The following ZNF521 variants were observed in gnomAD, a reference collection of about 807,000 sequenced individuals.
The protein encoded by ZNF521 is LYST-interacting protein 3.
A neutral mutation model predicts 105.5 loss-of-function variants in ZNF521; 14 were observed. The observed-to-expected ratio is 0.13, with a 90% CI of 0.09 to 0.21. ZNF521 has a LOEUF of 0.21. ZNF521 is among the 10% of genes least tolerant of loss of function. ZNF521 has a pLI of 1.00. For synonymous variants in ZNF521, 635 were observed against 606.0 expected (o/e 1.05, Z -0.70); for missense variants, 1,233 against 1,629.7 (o/e 0.76, Z 4.19).
At chr18:25,327,514 A>C in intron 2 of ZNF521, 1 of 827,422 alleles carries the variant, frequency 1.2e-6, no homozygotes, top group Non-Finnish European at 1.7e-6. Context: ...CTCCCCTACA[A>C]GTATGTTCAA....
intron 5 of ZNF521, among the ~76,000 whole-genome samples, chr18:25,162,696 C>T (rs1156573449): frequency 6.6e-6 from 1 of 152,160 alleles, no homozygotes. Flanking sequence ...TCATATCCAA[C>T]TCAGGCATGG....
chr18:25,282,395 G>A (rs1910435190), intron 3 of ZNF521, among the ~76,000 whole-genome samples: 1 of 152,178 alleles, frequency 6.6e-6, no homozygotes, highest in Non-Finnish European at 1.5e-5. Context: ...CACTAGACCA[G>A]GGAGCAAAGT....
intron 5 of ZNF521, among the ~76,000 whole-genome samples, chr18:25,188,520 G>A (rs184061387): frequency 6.6e-6 from 1 of 152,238 alleles, no homozygotes; most frequent in African/African-American, 2.4e-5. Flanking sequence ...TATCTTTTTA[G>A]GTATTACTGA....
intron 4 of ZNF521, among the ~76,000 whole-genome samples, chr18:25,213,631 A>G (rs984004620): frequency 2.0e-5 from 3 of 152,128 alleles, no homozygotes; most frequent in Admixed American, 6.5e-5. Context: ...TGGTTTTGAT[A>G]TCAGGATCAT....
chr18:25,273,743 A>C (rs780805236), intron 3 of ZNF521: 3 of 152,202 alleles, frequency 2.0e-5, no homozygotes, highest in African/African-American at 4.8e-5. Flanking sequence ...TTATGTTTTA[A>C]AATTAGCTAG....
rs115927541 is a variant in ZNF521 at position 25,067,227 on chromosome 18, C to T, written c.3907-4486G>A. On this transcript the variant is annotated intron_variant, in intron 7 of 7. Transcript: ENST00000361524. ...ATCAAATCCACAACATACCTTAAAGCTGAAAAGAAGATCCATCTAGGTATG... is the reference window on the plus strand; with the variant it reads ...ATCAAATCCACAACATACCTTAAAGTTGAAAAGAAGATCCATCTAGGTATG... Among the ~76,000 whole-genome samples, 1,361 of 152,242 alleles carry T rather than the reference C, an allele frequency of 8.9e-3. 17 individuals carry two copies. Among genetic ancestry groups the T allele is most frequent in the African/African-American group, 0.031 (1,296 of 41,534 alleles).
chr18:25,101,265 C>T (rs571041836), intron 5 of ZNF521, among the ~76,000 whole-genome samples: 2 of 152,162 alleles, frequency 1.3e-5, no homozygotes, highest in African/African-American at 4.8e-5. Flanking sequence ...AAATATAGTA[C>T]TCACGGGATG....
chr18:25,176,415 C>T (rs149551397), intron 5 of ZNF521, among the ~76,000 whole-genome samples: 12 of 152,284 alleles, frequency 7.9e-5, no homozygotes, highest in African/African-American at 2.9e-4. Context: ...GAGCAATCTT[C>T]GTCGGGTCTC....
In ZNF521 at chr18:25,089,479, G is replaced by T. The variant is rs1381431376; in HGVS notation, c.3892C>A (p.Gln1298Lys). Residue 1298 changes from glutamine (Q) to lysine (K), a missense_variant, in exon 7 of 8, where the codon CAA (glutamine) becomes AAA (lysine). This residue lies in a region of ZNF521 where 76 missense variants were observed against 137.2 expected (regional missense o/e 0.55). Coordinates refer to ENST00000361524, the MANE Select transcript of ZNF521 (RefSeq NM_015461.3). The part of the protein sequence containing the change: ...CTQCPQKFFF[Q>K]TELQNHTMTQ... ...GAGGACATTACCTGCAGCTCTGTTT[G>T]GAAGAAAAACTTCTGTGGACATTGT... 6.2e-7 allele frequency: 1 copy of T among 1,613,740 alleles called. No individual in the cohort carries two copies. Among genetic ancestry groups the T allele is most frequent in the African/African-American group, 1.3e-5 (1 of 75,022 alleles).
chr18:25,091,401 G>A (rs1019228412), intron 6 of ZNF521, among the ~76,000 whole-genome samples: 1 of 151,962 alleles, frequency 6.6e-6, no homozygotes. Context: ...AAAAGTATAA[G>A]TGTAGATCAA....
intron 6 of ZNF521, among the ~76,000 whole-genome samples, chr18:25,090,943 T>A (rs542825932): frequency 6.6e-5 from 10 of 152,276 alleles, no homozygotes; most frequent in African/African-American, 2.4e-4. Flanking sequence ...GAGTGGCTGA[T>A]GGAATTATTG....
chr18:25,113,511 G>A (rs1222729854), intron 5 of ZNF521, among the ~76,000 whole-genome samples: 2 of 152,018 alleles, frequency 1.3e-5, no homozygotes, highest in Non-Finnish European at 2.9e-5. Flanking sequence ...TGCTAATGTT[G>A]TATCAGAATG....
intron 5 of ZNF521, among the ~76,000 whole-genome samples, chr18:25,131,836 G>A (rs2034647021): frequency 6.6e-6 from 1 of 152,122 alleles, no homozygotes; most frequent in South Asian, 2.1e-4. Flanking sequence ...TTATACACCA[G>A]AGGATTATTC....
chr18:25,232,343 C>G (rs1906588847), intron 3 of ZNF521, among the ~76,000 whole-genome samples: 1 of 152,222 alleles, frequency 6.6e-6, no homozygotes, highest in Admixed American at 6.5e-5. Flanking sequence ...GGCACCTTAT[C>G]ATGGCTGGAA....
intron 3 of ZNF521, among the ~76,000 whole-genome samples, chr18:25,282,746 C>A (rs973831614): frequency 1.3e-5 from 2 of 152,004 alleles, no homozygotes; most frequent in Non-Finnish European, 2.9e-5. Flanking sequence ...AGTAAAAAAT[C>A]CTACTGCTTT....
intron 5 of ZNF521, among the ~76,000 whole-genome samples, chr18:25,165,180 A>G (rs1232424634): frequency 1.3e-5 from 2 of 152,214 alleles, no homozygotes; most frequent in East Asian, 3.8e-4. Context: ...CAGTGAAAGT[A>G]AATCTTTTAT....
At chr18:25,207,433 C>T (rs1316019717) in intron 4 of ZNF521, among the ~76,000 whole-genome samples, 1 of 152,196 alleles carries the variant, frequency 6.6e-6, no homozygotes, top group Non-Finnish European at 1.5e-5. Flanking sequence ...TCCAGCACCG[C>T]CTCTCCATCG....
intron 7 of ZNF521, among the ~76,000 whole-genome samples, chr18:25,086,151 G>T (rs2033618734): frequency 6.6e-6 from 1 of 151,890 alleles, no homozygotes; most frequent in South Asian, 2.1e-4. Context: ...TGATAAAATG[G>T]CTTCATTTTT....
intron 3 of ZNF521, among the ~76,000 whole-genome samples, chr18:25,238,322 G>T (rs1026276856): frequency 6.6e-6 from 1 of 152,164 alleles, no homozygotes; most frequent in Non-Finnish European, 1.5e-5. Context: ...CACATATACA[G>T]AAGAAGACAA....
Sources: gnomAD v4.1 joint callset for allele counts (sites outside exome capture counted in the v4.1 genomes callset) on GRCh38, gnomAD v4.1.1 for gene constraint, gnomAD v4.1.1 regional missense constraint, MANE v1.5 for transcripts, NCBI Gene and HGNC (gene_info 2026-07-23, HGNC 2026-07-21) for gene names.